Variants in SGCZ observed in about 807,000 individuals in gnomAD.
SGCZ encodes zeta-sarcoglycan.
SGCZ carries 40 observed loss-of-function variants against 41.3 expected under a neutral mutation model. The ratio of observed to expected loss-of-function variants is 0.97; its 90% CI spans 0.75 to 1.26. The LOEUF (loss-of-function observed/expected upper bound fraction) is 1.26, where lower values mean the gene tolerates loss of function less well. SGCZ is among the 50% of genes most tolerant of loss of function. SGCZ has a pLI of 0.00. For synonymous variants in SGCZ, 206 were observed against 137.5 expected (o/e 1.50, Z -3.49); for missense variants, 552 against 369.8 (o/e 1.49, Z -4.04).
intron 4 of SGCZ, among the ~76,000 whole-genome samples, chr8:14,199,387 A>C (rs1393887737): frequency 1.3e-5 from 2 of 152,166 alleles, no homozygotes. Flanking sequence ...AGATGTTATC[A>C]ATGACAATGC....
chr8:14,422,106 G>A (rs17301963), intron 2 of SGCZ, among the ~76,000 whole-genome samples: 31,125 of 152,068 alleles, frequency 0.2, 3,759 homozygotes, highest in Non-Finnish European at 0.29. Context: ...GGTTTTAACA[G>A]TGGGTTCATT....
intron 3 of SGCZ, chr8:14,319,540 A>G (rs1364795322): frequency 1.3e-5 from 2 of 152,036 alleles, no homozygotes; most frequent in Non-Finnish European, 2.9e-5. Flanking sequence ...AAAACAAATC[A>G]AAACTAGCAA....
chr8:14,674,492 T>C (rs989668284), intron 1 of SGCZ, among the ~76,000 whole-genome samples: 1 of 152,186 alleles, frequency 6.6e-6, no homozygotes, highest in Non-Finnish European at 1.5e-5. Context: ...GCTATAAATA[T>C]GCAAAATTGG....
At chr8:14,873,488 T>G (rs1267671719) in intron 1 of SGCZ, among the ~76,000 whole-genome samples, 2 of 152,140 alleles carry the variant, frequency 1.3e-5, no homozygotes, top group African/African-American at 2.4e-5. Context: ...GTGGGGTTGA[T>G]GGAAACTTGA....
chr8:14,680,388 T>C (rs1306845485), intron 1 of SGCZ, among the ~76,000 whole-genome samples: 1 of 152,120 alleles, frequency 6.6e-6, no homozygotes, highest in African/African-American at 2.4e-5. Context: ...GTTAACCAGC[T>C]GTAAAAACTG....
chr8:15,169,161 T>G (rs1388926567), intron 1 of SGCZ, among the ~76,000 whole-genome samples: 1 of 152,124 alleles, frequency 6.6e-6, no homozygotes, highest in Non-Finnish European at 1.5e-5. Context: ...GACTGCCGCT[T>G]CCCCCAAAAC....
At chr8:14,213,832 A>G (rs1244223483) in intron 4 of SGCZ, among the ~76,000 whole-genome samples, 1 of 152,164 alleles carries the variant, frequency 6.6e-6, no homozygotes, top group African/African-American at 2.4e-5. Flanking sequence ...TCAAGACTTC[A>G]CTTGAAGTAA....
chr8:14,141,764 C>T (rs747427092), intron 5 of SGCZ, among the ~76,000 whole-genome samples: 2 of 152,130 alleles, frequency 1.3e-5, no homozygotes, highest in Non-Finnish European at 1.5e-5. Context: ...GTGGCAATTC[C>T]TCAAGGATCT....
At chr8:14,557,899 AT>A (rs1243998507) in intron 1 of SGCZ, among the ~76,000 whole-genome samples, 1 of 152,158 alleles carries the variant, frequency 6.6e-6, no homozygotes, top group Non-Finnish European at 1.5e-5. Flanking sequence ...GAAAAGATAA[AT>A]AAAATTGATA....
intron 4 of SGCZ, among the ~76,000 whole-genome samples, chr8:14,223,178 C>T (rs916335028): frequency 9.2e-5 from 14 of 152,018 alleles, no homozygotes; most frequent in Admixed American, 5.9e-4. Context: ...TTCCTTTGTA[C>T]GTTTTACCCT....
chr8:14,912,038 C>T (rs1330586592), intron 1 of SGCZ, among the ~76,000 whole-genome samples: 29 of 151,974 alleles, frequency 1.9e-4, no homozygotes, highest in Admixed American at 1.4e-3. Flanking sequence ...GCTGCACTGA[C>T]GCTATGTAAG....
chr8:14,419,303 C>G (rs529549684), intron 2 of SGCZ, among the ~76,000 whole-genome samples: 3 of 151,866 alleles, frequency 2.0e-5, no homozygotes, highest in Admixed American at 6.6e-5. Context: ...ATGGGAGTTA[C>G]GTAAATCATC....
At chr8:14,670,270 G>A (rs1808061573) in intron 1 of SGCZ, among the ~76,000 whole-genome samples, 2 of 151,654 alleles carry the variant, frequency 1.3e-5, no homozygotes, top group Non-Finnish European at 2.9e-5. Context: ...TATGGTTGGT[G>A]ATATGAACAC....
At chr8:15,049,169 T>C (rs1804425221) in intron 1 of SGCZ, among the ~76,000 whole-genome samples, 1 of 152,148 alleles carries the variant, frequency 6.6e-6, no homozygotes, top group South Asian at 2.1e-4. Flanking sequence ...TGGCAGAGAA[T>C]AACTGGAAGG....
chr8:15,010,484 G>A (rs1228069806), intron 1 of SGCZ, among the ~76,000 whole-genome samples: 1 of 152,024 alleles, frequency 6.6e-6, no homozygotes, highest in African/African-American at 2.4e-5. Context: ...TATGTTGGTG[G>A]TCATTTCTGA....
At position 14,343,765 on chromosome 8, in the gene SGCZ, G is replaced by C. The variant is rs954814431; in HGVS notation, c.235-19561C>G. Among the ~76,000 whole-genome samples, 66 of 152,050 alleles carry C rather than the reference G, an allele frequency of 4.3e-4. 1 individual carries two copies. Among genetic ancestry groups the C allele is most frequent in the Non-Finnish European group, 2.1e-4 (14 of 68,016 alleles). On this transcript the variant is annotated intron_variant, in intron 2 of 7. Transcript: ENST00000382080. ...CGCCAACCTTAATTTTATTTAGTGA[G>C]CAGAGGGTAAATCCTCTCTAAGCAA...
At chr8:14,275,030 T>C (rs978805679) in intron 3 of SGCZ, among the ~76,000 whole-genome samples, 2 of 152,168 alleles carry the variant, frequency 1.3e-5, no homozygotes, top group Non-Finnish European at 2.9e-5. Flanking sequence ...AATTTTAGAA[T>C]TTAATATCAG....
At chr8:15,098,230 A>T (rs534587907) in intron 1 of SGCZ, among the ~76,000 whole-genome samples, 4 of 152,276 alleles carry the variant, frequency 2.6e-5, no homozygotes, top group African/African-American at 9.6e-5. Flanking sequence ...AAGAAAGAAG[A>T]AAAAATGAGA....
chr8:15,158,681 A>C (rs1016804945), intron 1 of SGCZ, among the ~76,000 whole-genome samples: 2 of 152,222 alleles, frequency 1.3e-5, no homozygotes, highest in Admixed American at 1.3e-4. Context: ...GGTTCTTTGA[A>C]TATAAATAGT....
Sources: gnomAD v4.1 joint callset for allele counts (sites outside exome capture counted in the v4.1 genomes callset) on GRCh38, gnomAD v4.1.1 for gene constraint, MANE v1.5 for transcripts, NCBI Gene and HGNC (gene_info 2026-07-23, HGNC 2026-07-21) for gene names.